The following ALPK2 variants were observed in gnomAD, a reference collection of about 807,000 sequenced individuals.
ALPK2 encodes the protein alpha kinase 2.
ALPK2 carries 127 observed loss-of-function variants against 163.1 expected under a neutral mutation model. That is an observed-to-expected ratio of 0.78 (90% CI 0.67 to 0.90). The LOEUF is 0.90. ALPK2 is among the 40% of genes least tolerant of loss of function. The pLI, the probability that ALPK2 is intolerant of heterozygous loss-of-function variation, is 0.00. For synonymous variants in ALPK2, 953 were observed against 959.1 expected (o/e 0.99, Z 0.12); for missense variants, 2,360 against 2,589.6 (o/e 0.91, Z 1.92).
At chr18:58,487,798 G>T (rs1356348810) in intron 12 of ALPK2, among the ~76,000 whole-genome samples, 1 of 152,142 alleles carries the variant, frequency 6.6e-6, no homozygotes, top group African/African-American at 2.4e-5. Context: ...GAAACAGGAG[G>T]TTAGCTGGAG....
At chr18:58,530,008 T>C (rs1481667283) in intron 5 of ALPK2, among the ~76,000 whole-genome samples, 3 of 152,196 alleles carry the variant, frequency 2.0e-5, no homozygotes. Flanking sequence ...GGGTAGGAAA[T>C]GAGATTACTG....
chr18:58,560,427 C>T (rs2051819867), intron 4 of ALPK2, among the ~76,000 whole-genome samples: 1 of 152,230 alleles, frequency 6.6e-6, no homozygotes, highest in African/African-American at 2.4e-5. Context: ...CTCTGTCCAG[C>T]TTCTGCAGTT....
intron 4 of ALPK2, among the ~76,000 whole-genome samples, chr18:58,556,167 T>TCACACACACACA (rs943131653): frequency 1.5e-5 from 2 of 136,738 alleles, no homozygotes; most frequent in African/African-American, 7.4e-5. Flanking sequence ...TTGGACTAGA[T>TCACACACACACA]CTCACACACA....
At position 58,536,780 on chromosome 18, in the gene ALPK2, C is replaced by T. The variant is rs1159578541; in HGVS notation, c.3407G>A (p.Gly1136Glu). 1.2e-6 allele frequency: 2 copies of T among 1,614,090 alleles called. No homozygotes were observed. The highest frequency in any genetic ancestry group is 8.5e-7 in the Non-Finnish European group (1 of 1,180,038). The change falls in exon 5 of 13, where the codon GGG becomes GAG. Residue 1136 changes from glycine (G) to glutamate (E), a missense_variant. By Grantham distance (98) the Gly-to-Glu change is moderately conservative (BLOSUM62 -2). Coordinates refer to ENST00000361673, the MANE Select transcript of ALPK2 (RefSeq NM_052947.4). ...FQERGSETKQGVQQQSLSQQG... is the reference protein window; with the variant it reads ...FQERGSETKQEVQQQSLSQQG... ...CTGGGACAGGCTCTGCTGCTGGACC[C>T]CCTGCTTTGTTTCACTTCCTCTTTC... is the stretch of plus-strand genomic sequence containing the variant.
intron 4 of ALPK2, among the ~76,000 whole-genome samples, chr18:58,547,412 C>T (rs954140124): frequency 6.6e-6 from 1 of 152,218 alleles, no homozygotes; most frequent in Non-Finnish European, 1.5e-5. Context: ...TGAACATGCA[C>T]TCTCTGGATT....
In ALPK2 at chr18:58,607,329, G is replaced by A. The variant is rs762745444; in HGVS notation, c.220C>T (p.Leu74Phe). The change falls in exon 3 of 13, where the codon CTC becomes TTC. Residue 74 changes from leucine (L) to phenylalanine (F), a missense_variant. Coordinates refer to ENST00000361673, the MANE Select transcript of ALPK2 (RefSeq NM_052947.4). ...FENQYIHVLH[L>F]SCCTKNDAAV... ...AGGGGTATAGCCACTTACCAAGAGA[G>A]ATGTAACACATGAATATACTGATTC... 29 of 1,607,856 alleles carry A rather than the reference G, an allele frequency of 1.8e-5. No individual in the cohort carries two copies. Among genetic ancestry groups the A allele is most frequent in the Non-Finnish European group, 2.5e-5 (29 of 1,175,732 alleles).
chr18:58,607,500 AAC>A, intron 2 of ALPK2, 61 bp from the exon 3 acceptor site: 1 of 1,162,956 alleles, frequency 8.6e-7, no homozygotes, highest in Non-Finnish European at 1.2e-6. Flanking sequence ...AAAAAAAAAA[AAC>A]CCATAAAGCT....
intron 4 of ALPK2, among the ~76,000 whole-genome samples, chr18:58,563,359 G>A (rs1005916132): frequency 1.3e-5 from 2 of 152,176 alleles, no homozygotes; most frequent in African/African-American, 4.8e-5. Flanking sequence ...AAAACAGAGT[G>A]GAGCTCATGT....
chr18:58,579,756 A>G lies in ALPK2; in HGVS notation c.1020T>C (p.Ser340=), dbSNP rs1224632865. Residue 340 remains serine, a synonymous_variant, in exon 4 of 13, where the codon TCT becomes TCC. Coordinates refer to ENST00000361673, the MANE Select transcript of ALPK2 (RefSeq NM_052947.4). ...LECSDVMTDY[S]NAVWQRNLLG... ...GCAGGTTCCTTTGCCAAACTGCATT[A>G]GAGTAATCCGTCATAACATCAGAAC... The G allele has an allele frequency of 9.9e-6, 16 of 1,614,218 alleles. No individual in the cohort carries two copies. Among genetic ancestry groups the G allele is most frequent in the Non-Finnish European group, 1.4e-5 (16 of 1,180,038 alleles).
intron 3 of ALPK2, among the ~76,000 whole-genome samples, chr18:58,591,931 G>C (rs2052016954): frequency 1.3e-5 from 2 of 152,326 alleles, no homozygotes; most frequent in South Asian, 2.1e-4. Context: ...CCAAGAGGTG[G>C]CTGAGCCCAG....
At chr18:58,531,673 GCATGCGGGCATGGTGGCTCATTTTGGGA>G (rs2051615453) in intron 5 of ALPK2, among the ~76,000 whole-genome samples, 1 of 143,488 alleles carries the variant, frequency 7.0e-6, no homozygotes, top group Admixed American at 7.1e-5. Context: ...AAAAGGACGG[GCATGCGGGCATGGTGGCTCATTTTGGGA>G]GGCCAAGGCG....
chr18:58,509,365 G>A (rs2051477882), intron 10 of ALPK2, among the ~76,000 whole-genome samples: 1 of 152,104 alleles, frequency 6.6e-6, no homozygotes, highest in South Asian at 2.1e-4. Flanking sequence ...TGTCTTTATA[G>A]CAGCATGATT....
intron 3 of ALPK2, among the ~76,000 whole-genome samples, chr18:58,605,260 A>T (rs2052092140): frequency 6.6e-6 from 1 of 152,170 alleles, no homozygotes; most frequent in Admixed American, 6.5e-5. Context: ...TTTAAAGCAT[A>T]TTATCTATGA....
Position 58,510,415 on chromosome 18 carries a change from T to C in ALPK2, c.6029+4578A>G, listed in dbSNP as rs1057027747. On this transcript the variant is annotated intron_variant, in intron 10 of 12. Transcript: ENST00000361673. Reference sequence around the variant, plus strand: ...ACTTTAAAGTAGTTTTTTCCAATTCTGTGAAGAAAGTCATTGGTAGCTTGA... The same window carrying C: ...ACTTTAAAGTAGTTTTTTCCAATTCCGTGAAGAAAGTCATTGGTAGCTTGA... Among the ~76,000 whole-genome samples, 6 of 152,240 alleles carry C rather than the reference T, an allele frequency of 3.9e-5. No individual in the cohort carries two copies. The East Asian group carries it at 7.7e-4, about 20-fold the overall frequency.
chr18:58,524,201 C>T lies in ALPK2; in HGVS notation c.5502-139G>A, dbSNP rs144141897. 1.3e-4 allele frequency: 152 copies of T among 1,175,080 alleles called. 1 individual carries two copies. In the African/African-American group the frequency reaches 1.5e-3, roughly 11 times the overall value. The allele number at this position is 1,175,080 out of a possible 1,614,324, so 72.8% of individuals were successfully genotyped here. A position where few individuals can be genotyped will look rare whatever the true frequency, so the allele number is the denominator to read the frequency against. On this transcript the variant is annotated intron_variant, in intron 6 of 12. Coordinates refer to ENST00000361673, the MANE Select transcript of ALPK2 (RefSeq NM_052947.4). ...GTGAGCTGCCCAAAGGGCAAAATCA[C>T]GATCAGCTGTTTAAATAATTGATTT...
intron 3 of ALPK2, among the ~76,000 whole-genome samples, chr18:58,599,022 G>A (rs2052055555): frequency 6.6e-6 from 1 of 152,114 alleles, no homozygotes; most frequent in South Asian, 2.1e-4. Context: ...AAAGTCTTGG[G>A]AGGGGCTCTT....
At chr18:58,505,275 A>G (rs1295361932) in intron 10 of ALPK2, among the ~76,000 whole-genome samples, 3 of 151,900 alleles carry the variant, frequency 2.0e-5, no homozygotes, top group Non-Finnish European at 4.4e-5. Context: ...ATCATCCTAC[A>G]TGATGATTTC....
intron 5 of ALPK2, among the ~76,000 whole-genome samples, chr18:58,532,243 T>C (rs1285789203): frequency 6.6e-6 from 1 of 152,220 alleles, no homozygotes; most frequent in East Asian, 1.9e-4. Flanking sequence ...GGTTTGTAGT[T>C]AGATCAGGGA....
chr18:58,570,610 A>T (rs1272968981), intron 4 of ALPK2, among the ~76,000 whole-genome samples: 1 of 152,236 alleles, frequency 6.6e-6, no homozygotes, highest in African/African-American at 2.4e-5. Context: ...CAAGGTGTGA[A>T]TACATACATC....
Sources: allele counts gnomAD v4.1 joint callset (sites outside exome capture counted in the v4.1 genomes callset), GRCh38; gene constraint gnomAD v4.1.1; transcripts MANE v1.5; gene names NCBI Gene and HGNC (gene_info 2026-07-23, HGNC 2026-07-21).